Variants in ZNF503 observed in about 807,000 individuals in gnomAD.
The protein encoded by ZNF503 is zinc finger protein 503.
A neutral mutation model predicts 34.4 loss-of-function variants in ZNF503; 15 were observed. The ratio of observed to expected loss-of-function variants is 0.44; its 90% CI spans 0.29 to 0.67. The LOEUF is 0.67. Among genes scored for constraint, ZNF503 ranks in the 30% least tolerant of loss-of-function variants. The pLI is 0.13. For missense variants in ZNF503, 1,007 were observed against 926.8 expected (o/e 1.09, Z -1.12); for synonymous variants, 580 against 456.8 (o/e 1.27, Z -3.44).
At chr10:75,291,040 T>C in the ZNF503 span, among the ~76,000 whole-genome samples, 1 of 152,302 alleles carries the variant, frequency 6.6e-6, no homozygotes, top group African/African-American at 2.4e-5. Flanking sequence ...CCAGATAAGC[T>C]AGAAGGAAAT....
chr10:75,336,356 G>T, the ZNF503 span, among the ~76,000 whole-genome samples: 2 of 139,112 alleles, frequency 1.4e-5, no homozygotes, highest in African/African-American at 2.8e-5. Flanking sequence ...ATACTTCCTT[G>T]TTAGACCTAT....
At chr10:75,284,022 A>G in the ZNF503 span, 2 of 152,016 alleles carry the variant, frequency 1.3e-5, no homozygotes, top group Non-Finnish European at 2.9e-5. Context: ...GTCATATATC[A>G]TCTTCAGGAC....
chr10:75,367,097 C>T, the ZNF503 span, among the ~76,000 whole-genome samples: 2 of 152,144 alleles, frequency 1.3e-5, no homozygotes, highest in African/African-American at 2.4e-5. Flanking sequence ...AGAAGGGCCT[C>T]GTGTGAAGGT....
At chr10:75,391,399 G>A in the ZNF503 span, among the ~76,000 whole-genome samples, 4 of 152,182 alleles carry the variant, frequency 2.6e-5, no homozygotes, top group African/African-American at 4.8e-5. Flanking sequence ...CAGAGATGAC[G>A]TAAGGATGAA....
chr10:75,381,885 C>A, the ZNF503 span, among the ~76,000 whole-genome samples: 3 of 129,094 alleles, frequency 2.3e-5, no homozygotes, highest in Non-Finnish European at 4.7e-5. Context: ...CTGCTCACTG[C>A]AACCTCTGCT....
chr10:75,324,661 A>G, the ZNF503 span, among the ~76,000 whole-genome samples: 1 of 152,208 alleles, frequency 6.6e-6, no homozygotes, highest in African/African-American at 2.4e-5. Context: ...ATCTGTATAT[A>G]TATTTGTTTT....
At chr10:75,312,023 C>G in the ZNF503 span, among the ~76,000 whole-genome samples, 1 of 152,074 alleles carries the variant, frequency 6.6e-6, no homozygotes, top group East Asian at 1.9e-4. Context: ...GGGATTACAC[C>G]ACGCCCAGCC....
chr10:75,374,821 AC>A, the ZNF503 span, among the ~76,000 whole-genome samples: 1 of 152,244 alleles, frequency 6.6e-6, no homozygotes, highest in Non-Finnish European at 1.5e-5. Context: ...GTGAAACTGA[AC>A]AAAGCAAATC....
chr10:75,394,456 G>T (rs1020462618), downstream of ZNF503, among the ~76,000 whole-genome samples: 1 of 152,236 alleles, frequency 6.6e-6, no homozygotes, highest in African/African-American at 2.4e-5. Context: ...GCAGAGGCCA[G>T]CCGATGACCT....
the ZNF503 span, among the ~76,000 whole-genome samples, chr10:75,303,817 G>A: frequency 1.3e-5 from 2 of 150,150 alleles, no homozygotes; most frequent in African/African-American, 2.4e-5. Flanking sequence ...TATGCTGGAT[G>A]ACAGTGGCTA....
chr10:75,292,753 C>T, the ZNF503 span, among the ~76,000 whole-genome samples: 3 of 152,190 alleles, frequency 2.0e-5, no homozygotes, highest in African/African-American at 7.2e-5. Flanking sequence ...ATACCTAGAC[C>T]TCAGGGAACA....
chr10:75,295,336 A>G, the ZNF503 span, among the ~76,000 whole-genome samples: 1 of 151,912 alleles, frequency 6.6e-6, no homozygotes, highest in Admixed American at 6.5e-5. The surrounding 1 kb of genome is among the most constrained non-coding windows in gnomAD (Gnocchi z 4.0). Context: ...GCCTCTCCCA[A>G]AGTTGTGCCG....
chr10:75,387,978 G>A, the ZNF503 span, among the ~76,000 whole-genome samples: 1 of 152,190 alleles, frequency 6.6e-6, no homozygotes. Flanking sequence ...TATGTGGGAG[G>A]AGGGGTCCAG....
At chr10:75,384,931 G>A in the ZNF503 span, among the ~76,000 whole-genome samples, 1 of 152,188 alleles carries the variant, frequency 6.6e-6, no homozygotes, top group African/African-American at 2.4e-5. Context: ...TCCTCACAAA[G>A]GTGCTCAAAG....
Position 75,401,112 on chromosome 10 carries a change from G to A in ZNF503, c.308C>T (p.Pro103Leu). Residue 103 changes from proline (P) to leucine (L), a missense_variant, in exon 1 of 2, where the codon CCC becomes CTC. Transcript: ENST00000372524. ...CAGAGAGAGGGTCCTTACCTCGATGGGGCTGACCGGCGTGGAAGGCAGGGG... is the reference window on the plus strand; with the variant it reads ...CAGAGAGAGGGTCCTTACCTCGATGAGGCTGACCGGCGTGGAAGGCAGGGG... Reference protein sequence around the residue: ...LQPLPSTPVSPIELDAKKSPL... With the variant: ...LQPLPSTPVSLIELDAKKSPL... 1.2e-6 allele frequency: 2 copies of A among 1,613,578 alleles called. No homozygotes were observed. The highest frequency in any genetic ancestry group is 1.7e-6 in the Non-Finnish European group (2 of 1,179,858).
chr10:75,283,568 G>T, the ZNF503 span, among the ~76,000 whole-genome samples: 206 of 152,184 alleles, frequency 1.4e-3, no homozygotes, highest in African/African-American at 4.7e-3. Flanking sequence ...TGTTTCGAGG[G>T]GGGAGACAGA....
upstream of ZNF503, chr10:75,401,782 C>CA (rs964858585): frequency 3.4e-6 from 1 of 298,408 alleles, no homozygotes; most frequent in African/African-American, 2.2e-5. Flanking sequence ...AAACTCACTT[C>CA]AAAAGCAGCT....
the ZNF503 span, among the ~76,000 whole-genome samples, chr10:75,300,049 A>T: frequency 3.9e-5 from 6 of 152,214 alleles, no homozygotes; most frequent in Non-Finnish European, 8.8e-5. Flanking sequence ...TAAGCCTGGG[A>T]GCGCTATGGG....
the ZNF503 span, among the ~76,000 whole-genome samples, chr10:75,349,002 C>T: frequency 6.6e-6 from 1 of 151,894 alleles, no homozygotes; most frequent in African/African-American, 2.4e-5. Context: ...TTTTTCTCTC[C>T]CACCACTACA....
Sources: allele counts gnomAD v4.1 joint callset (sites outside exome capture counted in the v4.1 genomes callset), GRCh38; gene constraint gnomAD v4.1.1; non-coding constraint Gnocchi (gnomAD v3.1); transcripts MANE v1.5; gene names NCBI Gene and HGNC (gene_info 2026-07-23, HGNC 2026-07-21).